TUBA1C: variants seen among roughly 807,000 people sequenced by gnomAD.
TUBA1C encodes the protein tubulin alpha-1C chain.
A neutral mutation model predicts 34.9 loss-of-function variants in TUBA1C; 16 were observed. The ratio of observed to expected loss-of-function variants is 0.46; its 90% CI spans 0.31 to 0.70. The LOEUF (loss-of-function observed/expected upper bound fraction) is 0.70. TUBA1C is among the 30% of genes least tolerant of loss of function. The pLI is 0.05. For synonymous variants in TUBA1C, 177 were observed against 215.9 expected, an observed-to-expected ratio of 0.82 and a Z score of 1.58; for missense variants, 329 against 587.3, an observed-to-expected ratio of 0.56 and a Z score of 4.55.
chr12:49,267,380 C>T (rs1186410908), intron 1 of TUBA1C, among the ~76,000 whole-genome samples: 2 of 152,030 alleles, frequency 1.3e-5, no homozygotes, highest in Non-Finnish European at 1.5e-5. Flanking sequence ...AACATGATGC[C>T]GGGCGTGGTG....
At position 49,257,186 on chromosome 12, in the gene TUBA1C, T is replaced by C. The variant is rs1165169731; in HGVS notation, c.214-12279T>C. Among the ~76,000 whole-genome samples, 3 of 145,142 alleles carry C rather than the reference T, an allele frequency of 2.1e-5. 1 individual carries two copies. The highest frequency in any genetic ancestry group is 7.6e-5 in the African/African-American group (3 of 39,252). On this transcript the variant is annotated intron_variant, in intron 1 of 3. Transcript: ENST00000541364. Reference sequence around the variant, plus strand: ...AAAAAAGAAGACAGTGGTTTAGAAATGAAGGCCTTAAAGCCAACCTCCTGA... The same window carrying C: ...AAAAAAGAAGACAGTGGTTTAGAAACGAAGGCCTTAAAGCCAACCTCCTGA...
chr12:49,269,208 C>T (rs113223913), intron 1 of TUBA1C, among the ~76,000 whole-genome samples: 24 of 152,106 alleles, frequency 1.6e-4, no homozygotes, highest in African/African-American at 5.3e-4. Flanking sequence ...TACAGGTGTG[C>T]GCCATCATGC....
chr12:49,256,353 C>T (rs754910162), intron 1 of TUBA1C: 3 of 432,638 alleles, frequency 6.9e-6, no homozygotes, highest in Admixed American at 5.0e-5. Context: ...AAATTTGTTT[C>T]TTTGTTTTGA....
upstream of TUBA1C, chr12:49,264,812 CT>C: frequency 9.9e-6 from 1 of 100,540 alleles, no homozygotes. Context: ...CCTCCCCTTC[CT>C]CCCCTTCCTC....
Position 49,273,026 on chromosome 12 carries a change from T to G in TUBA1C, c.1149T>G (p.Ala383=). Residue 383 remains alanine (A), a synonymous_variant, in exon 4 of 4, where the codon GCT becomes GCG. Coordinates refer to ENST00000301072, the MANE Select transcript of TUBA1C (RefSeq NM_032704.5). ...RAVCMLSNTT[A]VAEAWARLDH... ...TGTGCATGCTGAGCAATACCACAGC[T>G]GTTGCCGAGGCCTGGGCTCGCCTGG... The G allele has an allele frequency of 1.2e-6, 2 of 1,614,228 alleles. No homozygotes were observed. The highest frequency in any genetic ancestry group is 8.5e-7 in the Non-Finnish European group (1 of 1,180,048).
At chr12:49,268,105 CACACAG>C (rs762580183) in intron 1 of TUBA1C, among the ~76,000 whole-genome samples, 389 of 152,054 alleles carry the variant, frequency 2.6e-3, no homozygotes, top group African/African-American at 4.8e-3. Context: ...GAGACACACA[CACACAG>C]ACACAGACAC....
Position 49,273,653 on chromosome 12 carries a change from G to C in TUBA1C, c.*426G>C. ...TCCTGCCTCAACCTCTCAAAGTTTT[G>C]ATTATAGGCATGAGCCACTGCCCAG... On this transcript the variant is annotated 3_prime_UTR_variant, in exon 4 of 4. Coordinates refer to ENST00000301072, the MANE Select transcript of TUBA1C (RefSeq NM_032704.5). 4.1e-6 allele frequency: 1 copy of C among 244,270 alleles called. No individual in the cohort carries two copies. Among genetic ancestry groups the C allele is most frequent in the Non-Finnish European group, 8.1e-6 (1 of 123,782 alleles). The allele number at this position is 244,270 out of a possible 1,614,324, so 15.1% of individuals were successfully genotyped here. A position where few individuals can be genotyped will look rare whatever the true frequency, so the allele number is the denominator to read the frequency against.
At chr12:49,256,029 T>G (rs956165483) in intron 1 of TUBA1C, among the ~76,000 whole-genome samples, 3 of 152,186 alleles carry the variant, frequency 2.0e-5, no homozygotes, top group African/African-American at 7.2e-5. Context: ...CACCTGAGCC[T>G]GGGACGTTGA....
intron 1 of TUBA1C, chr12:49,232,961 C>G (rs1376553977): frequency 6.6e-6 from 1 of 152,176 alleles, no homozygotes; most frequent in East Asian, 1.9e-4. Context: ...GCTGTCCAAA[C>G]ATGATTGGTG....
At position 49,272,776 on chromosome 12, in the gene TUBA1C, A is replaced by G. The variant is rs761929540; in HGVS notation, c.899A>G (p.Asn300Ser). The G allele has an allele frequency of 6.2e-7, 1 of 1,613,738 alleles. No homozygotes were observed. Among genetic ancestry groups the G allele is most frequent in the African/African-American group, 1.3e-5 (1 of 74,828 alleles). Residue 300 changes from asparagine (N) to serine (S), a missense_variant, in exon 4 of 4, where the codon AAC becomes AGC. By Grantham distance (46) the Asn-to-Ser change is conservative. Around this residue, in one of 4 missense-constraint regions of TUBA1C, gnomAD observed 140 missense variants for 289.8 expected, o/e 0.48. Transcript: ENST00000301072. Reference sequence around the variant, plus strand: ...ACCAATGCTTGCTTTGAGCCAGCCAACCAGATGGTGAAATGTGACCCTCGC... The same window carrying G: ...ACCAATGCTTGCTTTGAGCCAGCCAGCCAGATGGTGAAATGTGACCCTCGC... ...EITNACFEPA[N>S]QMVKCDPRHG...
chr12:49,265,086 C>A lies in TUBA1C; in HGVS notation c.-96C>A. ...TTCGGGGCCGGCCACCCTTTCACTA[C>A]TTCTCCCCCGGACTCCTTGGTAGTC... is the stretch of plus-strand genomic sequence containing the variant. On this transcript the variant is annotated 5_prime_UTR_variant, in exon 1 of 4. Coordinates refer to ENST00000301072, the MANE Select transcript of TUBA1C (RefSeq NM_032704.5). 2 of 1,455,530 alleles carry A rather than the reference C, an allele frequency of 1.4e-6. No individual in the cohort carries two copies. The highest frequency in any genetic ancestry group is 1.8e-6 in the Non-Finnish European group (2 of 1,087,218). 90.2% of individuals were successfully genotyped at this position (1,455,530 alleles called of 1,614,324 possible).
intron 1 of TUBA1C, among the ~76,000 whole-genome samples, chr12:49,267,931 C>A (rs1942936908): frequency 6.6e-6 from 1 of 152,170 alleles, no homozygotes. Context: ...ATGCCAAACA[C>A]CCTTTTTGTT....
chr12:49,245,688 C>A (rs1225809639), intron 1 of TUBA1C, among the ~76,000 whole-genome samples: 1 of 152,134 alleles, frequency 6.6e-6, no homozygotes, highest in Non-Finnish European at 1.5e-5. Flanking sequence ...CTCAGCTGTC[C>A]CTTCAGCTCC....
chr12:49,248,351 C>A (rs991415632), intron 1 of TUBA1C, among the ~76,000 whole-genome samples: 2 of 152,066 alleles, frequency 1.3e-5, no homozygotes, highest in Non-Finnish European at 2.9e-5. Flanking sequence ...TGGTGGATCA[C>A]CTGAGGTCAG....
intron 3 of TUBA1C, among the ~76,000 whole-genome samples, chr12:49,271,917 C>T (rs2137024687): frequency 6.6e-6 from 1 of 152,186 alleles, no homozygotes. Flanking sequence ...AAAGGTTTTT[C>T]TGCTCAAGGA....
chr12:49,251,172 A>G (rs1209167597), intron 1 of TUBA1C, among the ~76,000 whole-genome samples: 3 of 152,194 alleles, frequency 2.0e-5, no homozygotes, highest in African/African-American at 7.2e-5. Flanking sequence ...GTACCACTGC[A>G]CTCCAGCCTG....
chr12:49,269,471 T>A lies in TUBA1C; in HGVS notation c.10T>A (p.Cys4Ser). MRE[C>S]ISIHVGQAGV... is the part of the protein sequence containing the mutation. ...TCCTTTCTTCCTCCCACAGCGTGAG[T>A]GCATCTCCATCCACGTTGGCCAGGC... The change falls in exon 2 of 4, where the codon TGC becomes AGC. Residue 4 changes from cysteine to serine, a missense_variant. By Grantham distance (112) the Cys-to-Ser change is moderately radical. Transcript: ENST00000301072. 1 of 1,614,124 alleles carries A rather than the reference T, an allele frequency of 6.2e-7. No individual in the cohort carries two copies. Among genetic ancestry groups the A allele is most frequent in the Non-Finnish European group, 8.5e-7 (1 of 1,180,028 alleles).
At chr12:49,268,097 G>GACAC (rs367819252) in intron 1 of TUBA1C, among the ~76,000 whole-genome samples, 1 of 151,760 alleles carries the variant, frequency 6.6e-6, no homozygotes, top group Non-Finnish European at 1.5e-5. Flanking sequence ...ATGAGAGAGA[G>GACAC]ACACACACAC....
chr12:49,264,302 A>G (rs1942870565), upstream of TUBA1C, among the ~76,000 whole-genome samples: 1 of 152,154 alleles, frequency 6.6e-6, no homozygotes, highest in Admixed American at 6.5e-5. Flanking sequence ...AACTGAAAAA[A>G]CTGCTTTTGC....
Sources: allele counts gnomAD v4.1 joint callset (sites outside exome capture counted in the v4.1 genomes callset), GRCh38; gene constraint gnomAD v4.1.1; regional missense constraint gnomAD v4.1.1; transcripts MANE v1.5; gene names NCBI Gene and HGNC (gene_info 2026-07-23, HGNC 2026-07-21).